RUFY4: variants seen among roughly 807,000 people sequenced by gnomAD.
RUFY4 encodes RUN and FYVE domain-containing protein 4.
RUFY4 carries 73 observed loss-of-function variants against 69.0 expected under a neutral mutation model. The ratio of observed to expected loss-of-function variants is 1.06; its 90% CI spans 0.88 to 1.29. The LOEUF is 1.29. Ranked by LOEUF, RUFY4 falls within the 50% of genes most tolerant of loss-of-function variation. The pLI, the probability that RUFY4 is intolerant of heterozygous loss-of-function variation, is 0.00. For synonymous variants in RUFY4, 287 were observed against 271.8 expected (o/e 1.06, Z -0.55); for missense variants, 770 against 705.6 (o/e 1.09, Z -1.03).
chr2:218,087,134 T>C (rs1342248774), intron 9 of RUFY4, among the ~76,000 whole-genome samples: 1 of 152,076 alleles, frequency 6.6e-6, no homozygotes, highest in Non-Finnish European at 1.5e-5. Flanking sequence ...ATTATGTAAT[T>C]ATAGAAACAG....
chr2:218,049,580 C>T (rs1049398021), intron 2 of RUFY4, among the ~76,000 whole-genome samples: 4 of 151,788 alleles, frequency 2.6e-5, no homozygotes, highest in Admixed American at 6.6e-5. Flanking sequence ...GAACTCAGCT[C>T]ACCGCAGCCT....
intron 3 of RUFY4, chr2:218,059,185 CT>C (rs1406673215): frequency 6.6e-6 from 1 of 152,202 alleles, no homozygotes; most frequent in Non-Finnish European, 1.5e-5. Context: ...ATTTAATTAT[CT>C]CATTTAGCAA....
intron 6 of RUFY4, among the ~76,000 whole-genome samples, 175 bp from the exon 9 acceptor site, chr2:218,074,918 C>A (rs1243405441): frequency 6.6e-6 from 1 of 152,158 alleles, no homozygotes; most frequent in East Asian, 1.9e-4. Context: ...GCTCAGATCA[C>A]CTGGGTGTTG....
chr2:218,060,479 CGTAGATGAGGGGATT>C, intron 3 of RUFY4: 1 of 1,340,054 alleles, frequency 7.5e-7, no homozygotes, highest in Middle Eastern at 1.8e-4. Context: ...CCAATGAAGG[CGTAGATGAGGGGATT>C]GAGGTAGCTG....
At chr2:218,047,134 G>A (rs1430577603) in intron 2 of RUFY4, among the ~76,000 whole-genome samples, 1 of 149,534 alleles carries the variant, frequency 6.7e-6, no homozygotes, top group East Asian at 2.0e-4. Context: ...ACAACATGAA[G>A]TACAAAAAGT....
intron 2 of RUFY4, among the ~76,000 whole-genome samples, chr2:218,046,164 C>A (rs1005386709): frequency 4.6e-5 from 7 of 151,870 alleles, no homozygotes; most frequent in African/African-American, 1.7e-4. Flanking sequence ...TTAGCACATC[C>A]ATCATCTCAA....
chr2:218,057,586 A>G (rs1339471203), intron 2 of RUFY4, among the ~76,000 whole-genome samples: 2 of 148,108 alleles, frequency 1.4e-5, no homozygotes, highest in Admixed American at 1.3e-4. Flanking sequence ...TGTTTTAAGG[A>G]TACAATCCAT....
intron 2 of RUFY4, among the ~76,000 whole-genome samples, chr2:218,057,172 G>A (rs1388325356): frequency 6.6e-6 from 1 of 151,640 alleles, no homozygotes; most frequent in Non-Finnish European, 1.5e-5. Flanking sequence ...TTTGCTTAAT[G>A]CCAGTGAGTT....
At chr2:218,040,715 CT>C (rs1959049651) in intron 2 of RUFY4, among the ~76,000 whole-genome samples, 1 of 152,010 alleles carries the variant, frequency 6.6e-6, no homozygotes, top group Admixed American at 6.5e-5. Flanking sequence ...AAGATTTTGT[CT>C]TTGGTGAAAA....
chr2:218,045,199 A>G (rs770658479), intron 2 of RUFY4, among the ~76,000 whole-genome samples: 1 of 152,148 alleles, frequency 6.6e-6, no homozygotes, highest in Non-Finnish European at 1.5e-5. Context: ...TCTAATGATC[A>G]TTGATGTTGA....
chr2:218,083,275 G>A lies in RUFY4; in HGVS notation c.1502+19G>A. The stretch of plus-strand genomic sequence containing the variant: ...TGATCCAGTAAGGACGGGGACAGTG[G>A]GAAAGGGGAAACAGATGGGGGAACG... On this transcript the variant is annotated intron_variant, in intron 9 of 10. Transcript: ENST00000344321. 1.3e-6 allele frequency: 2 copies of A among 1,564,910 alleles called. No homozygotes were observed. Among genetic ancestry groups the A allele is most frequent in the Non-Finnish European group, 1.7e-6 (2 of 1,151,902 alleles).
chr2:218,043,416 A>G (rs1478194640), intron 2 of RUFY4, among the ~76,000 whole-genome samples: 2 of 151,598 alleles, frequency 1.3e-5, no homozygotes, highest in African/African-American at 4.9e-5. Flanking sequence ...TCATCCCAAC[A>G]TCTGTTCTGC....
intron 2 of RUFY4, among the ~76,000 whole-genome samples, chr2:218,055,870 C>G (rs1559424640): frequency 6.6e-6 from 1 of 152,194 alleles, no homozygotes; most frequent in Non-Finnish European, 1.5e-5. Flanking sequence ...AAATACAACT[C>G]CATATGGTAA....
At chr2:218,079,267 G>T (rs566830259) in intron 8 of RUFY4, among the ~76,000 whole-genome samples, 1 of 152,228 alleles carries the variant, frequency 6.6e-6, no homozygotes, top group African/African-American at 2.4e-5. Context: ...GAGAGTTGGG[G>T]TGCTCAGACT....
intron 2 of RUFY4, among the ~76,000 whole-genome samples, chr2:218,056,414 T>C (rs1689067032): frequency 1.3e-5 from 2 of 152,038 alleles, no homozygotes; most frequent in South Asian, 4.1e-4. Context: ...TGAGAGAGCT[T>C]TTTTCCCCCA....
chr2:218,051,046 A>G (rs1353840791), intron 2 of RUFY4, among the ~76,000 whole-genome samples: 1 of 152,130 alleles, frequency 6.6e-6, no homozygotes, highest in African/African-American at 2.4e-5. Flanking sequence ...CATTTTTTAA[A>G]TTAATTTTTG....
chr2:218,086,642 T>A (rs1029967542), intron 9 of RUFY4, among the ~76,000 whole-genome samples: 3 of 152,016 alleles, frequency 2.0e-5, no homozygotes, highest in African/African-American at 7.3e-5. Flanking sequence ...AAAATTTGCC[T>A]CCCACATAGC....
chr2:218,083,001 G>A, intron 8 of RUFY4, 109 bp from the exon 11 acceptor site: 2 of 1,346,120 alleles, frequency 1.5e-6, no homozygotes, highest in Non-Finnish European at 2.0e-6. Context: ...GCTGCCGGGG[G>A]CATCACCAGC....
At chr2:218,086,204 T>C (rs1160089950) in intron 9 of RUFY4, among the ~76,000 whole-genome samples, 1 of 152,068 alleles carries the variant, frequency 6.6e-6, no homozygotes, top group Non-Finnish European at 1.5e-5. Flanking sequence ...AGGAGAGAAA[T>C]AATTAGACAT....
Sources: allele counts gnomAD v4.1 joint callset (sites outside exome capture counted in the v4.1 genomes callset), GRCh38; gene constraint gnomAD v4.1.1; transcripts MANE v1.5; gene names NCBI Gene and HGNC (gene_info 2026-07-23, HGNC 2026-07-21).